LRP1B: variants seen among roughly 807,000 people sequenced by gnomAD.
LRP1B encodes the protein LDL receptor related protein 1B.
Under a neutral mutation model 556.6 loss-of-function variants are expected in LRP1B, and 217 were observed. That is an observed-to-expected ratio of 0.39 (90% CI 0.35 to 0.44). LRP1B has a LOEUF of 0.44. Ranked by LOEUF, LRP1B falls within the 20% of genes least tolerant of loss-of-function variation. LRP1B has a pLI of 1.00. For missense variants in LRP1B, 5,053 were observed against 5,620.8 expected (o/e 0.90, Z 3.23); for synonymous variants, 2,047 against 1,865.8 (o/e 1.10, Z -2.50).
In LRP1B at chr2:140,899,680, T is replaced by G. The variant is rs1009369533; in HGVS notation, c.3766+3240A>C. ...GGACTTACATAAATATGGGACTGTTTGTCTTGAATAAAAGTATGCTTTGTC... is the reference window on the plus strand; with the variant it reads ...GGACTTACATAAATATGGGACTGTTGGTCTTGAATAAAAGTATGCTTTGTC... On this transcript the variant is annotated intron_variant, in intron 23 of 90. Coordinates refer to ENST00000389484, the MANE Select transcript of LRP1B (RefSeq NM_018557.3). Among the ~76,000 whole-genome samples, 4 of 152,210 alleles carry G rather than the reference T, an allele frequency of 2.6e-5. No homozygotes were observed. The East Asian group carries it at 7.7e-4, about 29-fold the overall frequency.
intron 1 of LRP1B, among the ~76,000 whole-genome samples, chr2:141,833,157 A>C: frequency 6.6e-6 from 1 of 151,766 alleles, no homozygotes; most frequent in Non-Finnish European, 1.5e-5. Context: ...CAACTGAATT[A>C]ATTTCACTAA....
chr2:140,721,189 A>G (rs1012405243), intron 35 of LRP1B, among the ~76,000 whole-genome samples: 7 of 152,100 alleles, frequency 4.6e-5, no homozygotes, highest in African/African-American at 1.7e-4. Context: ...ATCTCAATGT[A>G]TGGTCCAATT....
At chr2:140,821,090 T>A (rs990589669) in intron 31 of LRP1B, among the ~76,000 whole-genome samples, 1 of 152,122 alleles carries the variant, frequency 6.6e-6, no homozygotes, top group Non-Finnish European at 1.5e-5. Flanking sequence ...GTGTTTTTGT[T>A]TTGTTTAACT....
In LRP1B at chr2:140,700,605, G is replaced by A. The variant is rs753202200; in HGVS notation, c.6444C>T (p.Ala2148=). 1 of 1,613,312 alleles carries A rather than the reference G, an allele frequency of 6.2e-7. No homozygotes were observed. The highest frequency in any genetic ancestry group is 1.1e-5 in the South Asian group (1 of 91,060). ...GTTGCTTACAGCCACCATTGTCCCTGGCACAAACATTGGTCCCTAATGAAG... is the reference window on the plus strand; with the variant it reads ...GTTGCTTACAGCCACCATTGTCCCTAGCACAAACATTGGTCCCTAATGAAG... The part of the protein sequence containing the change: ...RVREKGTNVC[A]RDNGGCKQLC... The change falls in exon 41 of 91, where the codon GCC becomes GCT. Residue 2148 remains alanine (A), a synonymous_variant. Transcript: ENST00000389484.
At chr2:141,681,233 C>T (rs554248323) in intron 2 of LRP1B, among the ~76,000 whole-genome samples, 1 of 152,114 alleles carries the variant, frequency 6.6e-6, no homozygotes, top group Non-Finnish European at 1.5e-5. Context: ...GTTGAGGCTG[C>T]TGTGAGCCAT....
intron 41 of LRP1B, among the ~76,000 whole-genome samples, chr2:140,629,225 T>A (rs974763988): frequency 7.7e-5 from 11 of 142,390 alleles, no homozygotes; most frequent in African/African-American, 2.9e-4. Context: ...AGCTAATTCT[T>A]TTTTTTTTTT....
chr2:140,944,460 A>C (rs1404760802), intron 20 of LRP1B, among the ~76,000 whole-genome samples: 1 of 152,094 alleles, frequency 6.6e-6, no homozygotes, highest in Non-Finnish European at 1.5e-5. Context: ...GATGCAATGA[A>C]AAAAGAAAAT....
At chr2:140,990,874 A>G (rs566902317) in intron 16 of LRP1B, among the ~76,000 whole-genome samples, 29 of 152,238 alleles carry the variant, frequency 1.9e-4, no homozygotes, top group African/African-American at 6.7e-4. Flanking sequence ...ACAAATGTTT[A>G]TATTTGTTTT....
intron 21 of LRP1B, among the ~76,000 whole-genome samples, chr2:140,912,857 G>A (rs1214483320): frequency 1.3e-5 from 2 of 151,686 alleles, no homozygotes; most frequent in Non-Finnish European, 3.0e-5. Flanking sequence ...AAAATAAATT[G>A]ATACAATCTC....
At chr2:140,722,712 A>G (rs1687456052) in intron 35 of LRP1B, among the ~76,000 whole-genome samples, 1 of 152,238 alleles carries the variant, frequency 6.6e-6, no homozygotes, top group Non-Finnish European at 1.5e-5. Context: ...GTTTATTAGT[A>G]GTAAAATTAG....
At chr2:142,122,626 C>A (rs903253721) in intron 1 of LRP1B, among the ~76,000 whole-genome samples, 1 of 152,022 alleles carries the variant, frequency 6.6e-6, no homozygotes, top group Non-Finnish European at 1.5e-5. Context: ...ATTCCATCTA[C>A]AAATCTGATG....
At chr2:141,417,777 T>TTTA (rs35022179) in intron 3 of LRP1B, among the ~76,000 whole-genome samples, 1 of 148,790 alleles carries the variant, frequency 6.7e-6, no homozygotes, top group Non-Finnish European at 1.5e-5. Flanking sequence ...TTTTTTTTTT[T>TTTA]ACAAATCTCC....
intron 3 of LRP1B, among the ~76,000 whole-genome samples, chr2:141,357,799 AT>A (rs1297056409): frequency 2.0e-5 from 3 of 152,208 alleles, no homozygotes; most frequent in Non-Finnish European, 2.9e-5. Flanking sequence ...ATGGAAATAT[AT>A]TTTTTGGTTC....
intron 67 of LRP1B, among the ~76,000 whole-genome samples, chr2:140,383,013 A>G (rs932620585): frequency 1.3e-5 from 2 of 152,218 alleles, no homozygotes; most frequent in Admixed American, 1.3e-4. Context: ...CATATAGTTT[A>G]GGTGTGTAGT....
At chr2:140,340,196 A>T (rs1438949246) in intron 77 of LRP1B, among the ~76,000 whole-genome samples, 1 of 151,556 alleles carries the variant, frequency 6.6e-6, no homozygotes. Flanking sequence ...AAAAACAAAG[A>T]TATCACAGAT....
chr2:140,831,093 G>C (rs1691698308), intron 31 of LRP1B, among the ~76,000 whole-genome samples: 1 of 152,100 alleles, frequency 6.6e-6, no homozygotes, highest in Admixed American at 6.6e-5. Flanking sequence ...CATGCTCATG[G>C]AGTAGAACAA....
chr2:141,214,222 C>T (rs1425456977), intron 6 of LRP1B, among the ~76,000 whole-genome samples: 1 of 152,088 alleles, frequency 6.6e-6, no homozygotes, highest in Non-Finnish European at 1.5e-5. Flanking sequence ...GTGGTCAATT[C>T]TTAAACTCTT....
rs1411982670 is a variant in LRP1B, at chr2:140,514,729, T to C, written c.8193A>G (p.Lys2731=). ...CACAAATCCAATGCTTAGAAATACATTTTTGTGCGGAACAAGCAAATTGGT... is the reference window on the plus strand; with the variant it reads ...CACAAATCCAATGCTTAGAAATACACTTTTGTGCGGAACAAGCAAATTGGT... ...SWNQFACSAQ[K]CISKHWICDG... Residue 2731 remains lysine, a synonymous_variant, in exon 51 of 91, where the codon AAA becomes AAG. Transcript: ENST00000389484. 6 of 1,612,364 alleles carry C rather than the reference T, an allele frequency of 3.7e-6. No individual in the cohort carries two copies. Among genetic ancestry groups the C allele is most frequent in the Admixed American group, 1.7e-5 (1 of 59,914 alleles).
At chr2:141,047,489 T>A (rs1698909684) in intron 11 of LRP1B, among the ~76,000 whole-genome samples, 1 of 152,104 alleles carries the variant, frequency 6.6e-6, no homozygotes, top group South Asian at 2.1e-4. Flanking sequence ...ATAATTTTAG[T>A]CTATCTCTCT....
Sources: gnomAD v4.1 joint callset for allele counts (sites outside exome capture counted in the v4.1 genomes callset) on GRCh38, gnomAD v4.1.1 for gene constraint, MANE v1.5 for transcripts, NCBI Gene and HGNC (gene_info 2026-07-23, HGNC 2026-07-21) for gene names.